Variants in VEZT observed in about 807,000 individuals in gnomAD.
VEZT encodes the protein vezatin.
Under a neutral mutation model 79.9 loss-of-function variants are expected in VEZT, and 39 were observed. The observed-to-expected ratio is 0.49, with a 90% confidence interval of 0.38 to 0.64. The LOEUF is 0.64. VEZT is among the 30% of genes least tolerant of loss of function. VEZT has a pLI of 0.00. For missense variants in VEZT, 837 were observed against 893.1 expected, an observed-to-expected ratio of 0.94 and a Z score of 0.80; for synonymous variants, 325 against 327.6, an observed-to-expected ratio of 0.99 and a Z score of 0.09.
chr12:95,221,899 TAAC>T (rs2057658823), intron 1 of VEZT, among the ~76,000 whole-genome samples: 3 of 152,136 alleles, frequency 2.0e-5, no homozygotes, highest in Admixed American at 6.5e-5. Flanking sequence ...CTATACAGGA[TAAC>T]AACTATTTAC....
intron 2 of VEZT, among the ~76,000 whole-genome samples, chr12:95,256,814 G>A (rs533306754): frequency 6.6e-6 from 1 of 152,276 alleles, no homozygotes; most frequent in African/African-American, 2.4e-5. Context: ...ATAGTACATA[G>A]TCTCCCCAGG....
chr12:95,253,862 G>A (rs2063019338), intron 2 of VEZT, among the ~76,000 whole-genome samples: 1 of 152,120 alleles, frequency 6.6e-6, no homozygotes, highest in African/African-American at 2.4e-5. Context: ...CACTTTGGGA[G>A]GCTGAGGCAG....
At chr12:95,231,129 A>G (rs2059219008) in intron 1 of VEZT, among the ~76,000 whole-genome samples, 1 of 152,202 alleles carries the variant, frequency 6.6e-6, no homozygotes, top group South Asian at 2.1e-4. Context: ...GAATCATTGG[A>G]TAGGATTTCA....
At chr12:95,243,721 A>C (rs1023231431) in intron 1 of VEZT, among the ~76,000 whole-genome samples, 6 of 152,170 alleles carry the variant, frequency 3.9e-5, no homozygotes, top group Admixed American at 3.9e-4. Flanking sequence ...GGTAGGACCT[A>C]ATGGGAGGCA....
chr12:95,250,096 G>C (rs1461986944), intron 1 of VEZT, among the ~76,000 whole-genome samples: 2 of 143,976 alleles, frequency 1.4e-5, no homozygotes, highest in African/African-American at 5.2e-5. Context: ...TTAAGTTTTA[G>C]GGTACATGTG....
chr12:95,249,422 A>T (rs1170657119), intron 1 of VEZT, among the ~76,000 whole-genome samples: 1 of 152,240 alleles, frequency 6.6e-6, no homozygotes, highest in Non-Finnish European at 1.5e-5. Context: ...AGATTCACTA[A>T]TTCAAGGCAA....
rs189621455 is a variant in VEZT at position 95,276,289 on chromosome 12, A to T, written c.996+1400A>T. Among the ~76,000 whole-genome samples, 16 of 106,724 alleles carry T rather than the reference A, an allele frequency of 1.5e-4. No individual in the cohort carries two copies. In the Admixed American group the frequency reaches 1.8e-3, roughly 12 times the overall value. 70.0% of individuals were successfully genotyped at this position (106,724 alleles called of 152,430 possible). ...TTTTTTTTTTTTTTTTTTTTGAGAC[A>T]GAGTCTCACTCTGTTGCCCAGGCTG... On this transcript the variant is annotated intron_variant, in intron 7 of 11. Coordinates refer to ENST00000436874, the MANE Select transcript of VEZT (RefSeq NM_017599.4).
In VEZT at chr12:95,300,498, T is replaced by G. The variant is rs2075080367; in HGVS notation, c.2165T>G (p.Ile722Ser). ...CCCAGGGACTCATTACAGCCCTCCA[T>G]TAAGCAGAGGCTGGCACGGCTACAG... ...PTPRDSLQPS[I>S]KQRLARLQLS... is the part of the protein sequence containing the mutation. The change falls in exon 12 of 12, where the codon ATT (isoleucine) becomes AGT (serine). Residue 722 changes from isoleucine (I) to serine (S), a missense_variant. Ile to Ser is a moderately radical substitution (Grantham distance 142). Coordinates refer to ENST00000436874, the MANE Select transcript of VEZT (RefSeq NM_017599.4). 6.2e-7 allele frequency: 1 copy of G among 1,613,838 alleles called. No individual in the cohort carries two copies. Among genetic ancestry groups the G allele is most frequent in the Admixed American group, 1.7e-5 (1 of 59,992 alleles).
intron 6 of VEZT, among the ~76,000 whole-genome samples, chr12:95,272,502 G>A (rs1029105373): frequency 6.6e-6 from 1 of 152,112 alleles, no homozygotes; most frequent in Admixed American, 6.5e-5. Context: ...TGAAACAGAG[G>A]TGGCCAGGGG....
intron 1 of VEZT, among the ~76,000 whole-genome samples, chr12:95,223,092 T>C (rs1271867413): frequency 6.6e-6 from 1 of 152,208 alleles, no homozygotes; most frequent in Non-Finnish European, 1.5e-5. Context: ...CAGCTATTTA[T>C]TAGTTATATT....
intron 1 of VEZT, among the ~76,000 whole-genome samples, chr12:95,236,281 G>A (rs992351732): frequency 1.3e-5 from 2 of 152,194 alleles, no homozygotes; most frequent in African/African-American, 4.8e-5. Context: ...AAACCAGTCA[G>A]GCGTGGCGGC....
intron 1 of VEZT, among the ~76,000 whole-genome samples, chr12:95,235,846 C>T (rs1299153748): frequency 3.3e-5 from 5 of 151,928 alleles, no homozygotes; most frequent in Non-Finnish European, 7.4e-5. Flanking sequence ...AGAGACGCTC[C>T]TCACATCCCA....
chr12:95,264,774 T>A (rs909045592), intron 4 of VEZT, among the ~76,000 whole-genome samples: 7 of 149,200 alleles, frequency 4.7e-5, no homozygotes, highest in Admixed American at 2.0e-4. Flanking sequence ...TGTGATTTTC[T>A]TTGCAATATG....
intron 1 of VEZT, among the ~76,000 whole-genome samples, chr12:95,247,955 C>A (rs1412760965): frequency 6.6e-6 from 1 of 152,084 alleles, no homozygotes; most frequent in Non-Finnish European, 1.5e-5. Flanking sequence ...TTTATTAAAC[C>A]TGCAATACAT....
intron 5 of VEZT, 47 bp from the exon 6 acceptor site, chr12:95,270,004 C>T (rs1190152137): frequency 3.8e-6 from 6 of 1,581,686 alleles, no homozygotes; most frequent in African/African-American, 1.3e-5. Flanking sequence ...AACTTTAGGA[C>T]ACCTGTACAG....
At chr12:95,271,079 A>G (rs1362148880) in intron 6 of VEZT, among the ~76,000 whole-genome samples, 5 of 152,198 alleles carry the variant, frequency 3.3e-5, no homozygotes, top group Non-Finnish European at 5.9e-5. Flanking sequence ...GAAAACTGAA[A>G]TAGAGGTTAA....
chr12:95,263,182 A>G (rs1450222194), intron 4 of VEZT, 101 bp downstream of exon 4: 1 of 1,092,056 alleles, frequency 9.2e-7, no homozygotes, highest in East Asian at 2.5e-5. Context: ...TAAACATTCC[A>G]TACATTTAGC....
chr12:95,276,290 GA>G (rs1476792789), intron 7 of VEZT, among the ~76,000 whole-genome samples: 1 of 99,056 alleles, frequency 1.0e-5, no homozygotes, highest in Non-Finnish European at 1.8e-5. Flanking sequence ...TTTTGAGACA[GA>G]GTCTCACTCT....
At position 95,282,604 on chromosome 12, in the gene VEZT, G is replaced by A; in HGVS notation, c.1288G>A (p.Val430Met). The A allele has an allele frequency of 1.9e-6, 3 of 1,611,068 alleles. No individual in the cohort carries two copies. Among genetic ancestry groups the A allele is most frequent in the Non-Finnish European group, 1.7e-6 (2 of 1,177,706 alleles). Residue 430 changes from valine (V) to methionine (M), a missense_variant, in exon 8 of 12, where the codon GTG becomes ATG. Coordinates refer to ENST00000436874, the MANE Select transcript of VEZT (RefSeq NM_017599.4). ...SRELNNVHTA[V>M]RSLQLHLKAL... ...AGAACTGAATAATGTTCACACAGCAGTGCGTAGCTTGCAGCTCCATCTGAA... is the reference window on the plus strand; with the variant it reads ...AGAACTGAATAATGTTCACACAGCAATGCGTAGCTTGCAGCTCCATCTGAA...
Sources: allele counts gnomAD v4.1 joint callset (sites outside exome capture counted in the v4.1 genomes callset), GRCh38; gene constraint gnomAD v4.1.1; transcripts MANE v1.5; gene names NCBI Gene and HGNC (gene_info 2026-07-23, HGNC 2026-07-21).